Variants in ALDH2 observed in about 807,000 individuals in gnomAD.
ALDH2 encodes aldehyde dehydrogenase, mitochondrial.
A neutral mutation model predicts 59.6 loss-of-function variants in ALDH2; 44 were observed. The observed-to-expected ratio is 0.74, with a 90% CI of 0.58 to 0.95. The LOEUF is 0.95. Among genes scored for constraint, ALDH2 ranks in the 40% least tolerant of loss-of-function variants. The pLI is 0.00. For missense variants in ALDH2, 570 were observed against 696.3 expected (o/e 0.82, Z 2.04); for synonymous variants, 291 against 284.0 (o/e 1.02, Z -0.25).
At chr12:111,801,037 G>A (rs2068447658) in intron 11 of ALDH2, among the ~76,000 whole-genome samples, 2 of 152,246 alleles carry the variant, frequency 1.3e-5, no homozygotes, top group South Asian at 4.1e-4. Flanking sequence ...TGCTGGTAAA[G>A]ACATTGCAGA....
Position 111,789,930 on chromosome 12 carries a change from T to G in ALDH2, c.548T>G (p.Ile183Ser). 6.2e-7 allele frequency: 1 copy of G among 1,613,880 alleles called. No individual in the cohort carries two copies. Among genetic ancestry groups the G allele is most frequent in the Non-Finnish European group, 8.5e-7 (1 of 1,179,804 alleles). ...HEPVGVCGQI[I>S]PWNFPLLMQA... ...CCTGTGGGGGTGTGCGGGCAGATCA[T>G]TCCGGTGAGTCCAGCCTCCCTGGAG... The change falls in exon 5 of 13, where the codon ATT becomes AGT. Residue 183 changes from isoleucine to serine, a missense_variant. Transcript: ENST00000261733.
intron 9 of ALDH2, among the ~76,000 whole-genome samples, chr12:111,796,762 C>T (rs1202264104): frequency 1.3e-5 from 2 of 151,696 alleles, no homozygotes. Flanking sequence ...AAAAATTACC[C>T]AGGTGTGGTG....
At chr12:111,804,559 C>T (rs909049402) in intron 12 of ALDH2, among the ~76,000 whole-genome samples, 3 of 152,236 alleles carry the variant, frequency 2.0e-5, no homozygotes, top group Non-Finnish European at 4.4e-5. Flanking sequence ...ACCAGCCTGA[C>T]CAACATGGTG....
rs945950936 is a variant in ALDH2, at chr12:111,810,691, T to G, written c.*1116T>G. 2.0e-5 allele frequency: 3 copies of G among 151,240 alleles called. No homozygotes were observed. 9.4% of individuals were successfully genotyped at this position (151,240 alleles called of 1,614,324 possible). A position where few individuals can be genotyped will look rare whatever the true frequency, so the allele number is the denominator to read the frequency against. The stretch of plus-strand genomic sequence containing the variant: ...GGCACGATCATAGCTCACTGCTGCC[T>G]CGACCTCCTGGGCTCAAATGATCCT... On this transcript the variant is annotated 3_prime_UTR_variant, in exon 13 of 13. Coordinates refer to ENST00000261733, the MANE Select transcript of ALDH2 (RefSeq NM_000690.4).
At chr12:111,771,365 C>T (rs753487464) in intron 1 of ALDH2, among the ~76,000 whole-genome samples, 1 of 152,112 alleles carries the variant, frequency 6.6e-6, no homozygotes, top group African/African-American at 2.4e-5. Flanking sequence ...CCACTGCACT[C>T]CATCCTGGGC....
intron 1 of ALDH2, chr12:111,775,498 T>C (rs1252656329): frequency 2.7e-6 from 1 of 372,874 alleles, no homozygotes; most frequent in African/African-American, 2.1e-5. Context: ...GCTTATGGAA[T>C]GCGTGGGTGA....
At chr12:111,770,601 C>A (rs571676855) in intron 1 of ALDH2, among the ~76,000 whole-genome samples, 1 of 152,086 alleles carries the variant, frequency 6.6e-6, no homozygotes, top group African/African-American at 2.4e-5. Context: ...GTAGCTGAGA[C>A]TACAGGCATA....
intron 11 of ALDH2, among the ~76,000 whole-genome samples, chr12:111,802,671 A>G (rs1420285696): frequency 8.2e-5 from 12 of 147,184 alleles, no homozygotes; most frequent in East Asian, 6.2e-4. Flanking sequence ...ACGAGGTCAG[A>G]AGATCAAGAC....
rs2068161482 is a variant in ALDH2, at chr12:111,766,941, A to G, written c.-42A>G. 2 of 1,490,608 alleles carry G rather than the reference A, an allele frequency of 1.3e-6. No individual in the cohort carries two copies. Among genetic ancestry groups the G allele is most frequent in the East Asian group, 2.7e-5 (1 of 37,352 alleles). The allele number at this position is 1,490,608 out of a possible 1,614,324, so 92.3% of individuals were successfully genotyped here. On this transcript the variant is annotated 5_prime_UTR_variant, in exon 1 of 13. Coordinates refer to ENST00000261733, the MANE Select transcript of ALDH2 (RefSeq NM_000690.4). ...GTCGGCTCAGTGGCCCTGAGACCCTAGCTCTGCTCTCGGTCCGCTCGCTGT... is the reference window on the plus strand; with the variant it reads ...GTCGGCTCAGTGGCCCTGAGACCCTGGCTCTGCTCTCGGTCCGCTCGCTGT...
chr12:111,796,964 CTTT>C (rs554909623), intron 9 of ALDH2, among the ~76,000 whole-genome samples: 2 of 139,112 alleles, frequency 1.4e-5, no homozygotes, highest in Non-Finnish European at 3.1e-5. Context: ...AGCTTTACTT[CTTT>C]TTTTTTTTTT....
At chr12:111,783,720 G>A (rs1487573632) in intron 3 of ALDH2, among the ~76,000 whole-genome samples, 1 of 152,170 alleles carries the variant, frequency 6.6e-6, no homozygotes, top group African/African-American at 2.4e-5. Context: ...ATGTTGGCCA[G>A]GCTGGTCTCC....
intron 2 of ALDH2, among the ~76,000 whole-genome samples, chr12:111,782,249 C>G (rs2068278139): frequency 6.6e-6 from 1 of 152,250 alleles, no homozygotes. Context: ...ATATCTAATA[C>G]AGTGTCTCCT....
In ALDH2 at chr12:111,792,257, A is replaced by G. The variant is rs139710275; in HGVS notation, c.898+94A>G. 2.8e-4 allele frequency: 276 copies of G among 1,002,932 alleles called. 3 individuals carry two copies. In the Middle Eastern group the frequency reaches 3.1e-3, roughly 11 times the overall value. The allele number at this position is 1,002,932 out of a possible 1,614,324, so 62.1% of individuals were successfully genotyped here. On this transcript the variant is annotated intron_variant, in intron 8 of 12. Transcript: ENST00000261733. ...GATCCTGTCGCCCCCCCAGTGCCCA[A>G]TGGCGTTGGTTGCTGTCCCTCGGGC...
intron 11 of ALDH2, among the ~76,000 whole-genome samples, chr12:111,802,745 TGGC>T (rs2068463446): frequency 6.6e-6 from 1 of 150,450 alleles, no homozygotes. Context: ...CCGGGTGTGG[TGGC>T]GGGCACCTGT....
intron 1 of ALDH2, among the ~76,000 whole-genome samples, chr12:111,771,897 G>A (rs7398472): frequency 6.1e-5 from 9 of 146,916 alleles, no homozygotes; most frequent in South Asian, 2.1e-4. Flanking sequence ...ACAGGAGTTC[G>A]AGACCAGCCT....
At chr12:111,779,589 C>T (rs558574307) in intron 1 of ALDH2, among the ~76,000 whole-genome samples, 94 of 152,320 alleles carry the variant, frequency 6.2e-4, no homozygotes, top group Admixed American at 1.7e-3. Flanking sequence ...CTTTATGGTC[C>T]GAGACTCTGG....
At position 111,783,310 on chromosome 12, in the gene ALDH2, GC is replaced by G; in HGVS notation, c.360+15del. 6.3e-7 allele frequency: 1 copy of G among 1,594,490 alleles called. No homozygotes were observed. Among genetic ancestry groups the G allele is most frequent in the Non-Finnish European group, 8.6e-7 (1 of 1,167,106 alleles). On this transcript the variant is annotated intron_variant, in intron 3 of 12. Transcript: ENST00000261733. ...GGACCTACCTGGCGGTGAGTCCTCA[GC>G]CCTTCTCCCCCTCAGATCCCATGTG...
chr12:111,770,143 C>CA (rs5800933), intron 1 of ALDH2, among the ~76,000 whole-genome samples: 63,641 of 137,436 alleles, frequency 0.46, 17,916 homozygotes, highest in East Asian at 0.89. Flanking sequence ...GACTCCATCT[C>CA]AAAAAAAAAA....
In ALDH2 at chr12:111,781,980, G is replaced by A. The variant is rs1043458349; in HGVS notation, c.177G>A (p.Pro59=). 1.2e-6 allele frequency: 2 copies of A among 1,613,830 alleles called. No individual in the cohort carries two copies. Among genetic ancestry groups the A allele is most frequent in the South Asian group, 2.2e-5 (2 of 91,078 alleles). ...GGAAAACATTCCCCACCGTCAATCC[G>A]TCCACTGGAGAGGTCATCTGTCAGG... is the stretch of plus-strand genomic sequence containing the variant. ...VSRKTFPTVN[P]STGEVICQVA... is the part of the protein sequence containing the mutation. Residue 59 remains proline, a synonymous_variant, in exon 2 of 13, where the codon CCG becomes CCA. Transcript: ENST00000261733.
Sources: allele counts gnomAD v4.1 joint callset (sites outside exome capture counted in the v4.1 genomes callset), GRCh38; gene constraint gnomAD v4.1.1; transcripts MANE v1.5; gene names NCBI Gene and HGNC (gene_info 2026-07-23, HGNC 2026-07-21).